ARID1B: variants seen among roughly 807,000 people sequenced by gnomAD.
ARID1B encodes AT-rich interactive domain-containing protein 1B.
In ARID1B, 30 loss-of-function variants were observed where a neutral mutation model predicts 212.3. That is an observed-to-expected ratio of 0.14 (90% CI 0.11 to 0.19). The LOEUF is 0.19. Among genes scored for constraint, ARID1B ranks in the 10% least tolerant of loss-of-function variants. ARID1B has a pLI of 1.00. For synonymous variants in ARID1B, 1,402 were observed against 1,301.7 expected (o/e 1.08, Z -1.66); for missense variants, 2,891 against 3,204.0 (o/e 0.90, Z 2.36).
intron 1 of ARID1B, among the ~76,000 whole-genome samples, chr6:156,804,327 C>T (rs1780998759): frequency 6.7e-6 from 1 of 149,908 alleles, no homozygotes. Context: ...CAGAGCAAGA[C>T]TCCGTCTCAA....
Position 157,167,103 on chromosome 6 carries a change from G to A in ARID1B, c.3153G>A (p.Gln1051=). The change falls in exon 9 of 20, where the codon CAG becomes CAA. Residue 1051 remains glutamine, a synonymous_variant. Coordinates refer to ENST00000636930, the MANE Select transcript of ARID1B (RefSeq NM_001374828.1). ...GLMASSSPYS[Q]PMNNSSSLMN... is the part of the protein sequence containing the mutation. ...TGGCTTCCAGCTCTCCCTACAGCCA[G>A]CCCATGAACAACAGCTCTAGCCTGA... 6.2e-7 allele frequency: 1 copy of A among 1,612,588 alleles called. No homozygotes were observed. The highest frequency in any genetic ancestry group is 8.5e-7 in the Non-Finnish European group (1 of 1,180,022).
At chr6:157,143,381 G>A (rs1789505951) in intron 7 of ARID1B, among the ~76,000 whole-genome samples, 1 of 151,278 alleles carries the variant, frequency 6.6e-6, no homozygotes, top group Admixed American at 6.6e-5. Flanking sequence ...TATTTTGCTT[G>A]GCTTACATAT....
At chr6:156,923,355 G>A (rs1284005754) in intron 3 of ARID1B, among the ~76,000 whole-genome samples, 4 of 152,088 alleles carry the variant, frequency 2.6e-5, no homozygotes, top group African/African-American at 7.2e-5. Flanking sequence ...CCCATCCTCC[G>A]GTTGGGAATT....
At chr6:157,086,642 C>T (rs1027180411) in intron 5 of ARID1B, among the ~76,000 whole-genome samples, 1 of 152,208 alleles carries the variant, frequency 6.6e-6, no homozygotes, top group African/African-American at 2.4e-5. Context: ...ACATGTCTGT[C>T]CTTCCAAATG....
At chr6:156,851,089 C>G (rs1438407351) in intron 2 of ARID1B, among the ~76,000 whole-genome samples, 1 of 152,174 alleles carries the variant, frequency 6.6e-6, no homozygotes, top group African/African-American at 2.4e-5. Context: ...TGAGCCAGGT[C>G]TGGCTCTTTG....
chr6:156,891,673 G>A (rs1345910502), intron 2 of ARID1B, among the ~76,000 whole-genome samples: 3 of 152,082 alleles, frequency 2.0e-5, no homozygotes, highest in Non-Finnish European at 4.4e-5. Flanking sequence ...AGTGTAAAAT[G>A]AGGATTGTTA....
intron 4 of ARID1B, among the ~76,000 whole-genome samples, chr6:157,018,975 GA>G (rs1008741838): frequency 6.6e-6 from 1 of 151,758 alleles, no homozygotes; most frequent in Non-Finnish European, 1.5e-5. Flanking sequence ...ATAAAGGGCT[GA>G]AAAAAAATAC....
rs929241539 is a variant in ARID1B, at chr6:157,210,351, G to A, written c.*2460G>A. 3 of 229,868 alleles carry A rather than the reference G, an allele frequency of 1.3e-5. No homozygotes were observed. The highest frequency in any genetic ancestry group is 1.8e-4 in the South Asian group (1 of 5,496). 14.2% of individuals were successfully genotyped at this position (229,868 alleles called of 1,614,324 possible). On this transcript the variant is annotated 3_prime_UTR_variant, in exon 20 of 20. Coordinates refer to ENST00000636930, the MANE Select transcript of ARID1B (RefSeq NM_001374828.1). ...CAAATAAAAGGTGTATACAAACTCC[G>A]AACATATCCAGTATTCCAATTCCTT...
intron 13 of ARID1B, chr6:157,185,880 C>T (rs1422290889): frequency 1.3e-5 from 2 of 152,232 alleles, no homozygotes; most frequent in Non-Finnish European, 2.9e-5. Context: ...TAGAAATCCT[C>T]GCTAACCTCA....
intron 3 of ARID1B, among the ~76,000 whole-genome samples, chr6:156,922,765 C>T (rs917057598): frequency 9.9e-5 from 15 of 152,252 alleles, no homozygotes; most frequent in Middle Eastern, 3.4e-3. Flanking sequence ...GATTCTCCTC[C>T]CAGACAAATA....
At chr6:157,067,327 A>G (rs1783729497) in intron 4 of ARID1B, among the ~76,000 whole-genome samples, 1 of 152,208 alleles carries the variant, frequency 6.6e-6, no homozygotes, top group African/African-American at 2.4e-5. Flanking sequence ...AGTACAGGCC[A>G]TCTACTGGTG....
At position 156,778,250 on chromosome 6, in the gene ARID1B, G is replaced by A. The variant is rs1396988208; in HGVS notation, c.570G>A (p.Gln190=). The change falls in exon 1 of 20, where the codon CAG becomes CAA. Residue 190 remains glutamine (Q), a synonymous_variant. Transcript: ENST00000636930. Reference sequence around the variant, plus strand: ...ACCTCCACCACCACCACGCACTACAGCAGCAGCTAAACCAGTTCCAGCAGC... The same window carrying A: ...ACCTCCACCACCACCACGCACTACAACAGCAGCTAAACCAGTTCCAGCAGC... The part of the protein sequence containing the change: ...AHHLHHHHAL[Q]QQLNQFQQQQ... 3.2e-6 allele frequency: 5 copies of A among 1,542,152 alleles called. No homozygotes were observed. The highest frequency in any genetic ancestry group is 2.0e-5 in the Admixed American group (1 of 50,972).
intron 4 of ARID1B, among the ~76,000 whole-genome samples, chr6:157,057,765 G>A (rs1783061243): frequency 6.6e-6 from 1 of 152,094 alleles, no homozygotes; most frequent in Non-Finnish European, 1.5e-5. Context: ...TTTTGAAAAT[G>A]TGTCAAAATT....
rs1373786950 is a variant in ARID1B, at chr6:156,778,509, G to A, written c.829G>A (p.Glu277Lys). ...GGACGACGCGCCGCCCAAGATGGGG[G>A]AGCCGGCGGGCGGCCGCTACGAGCA... ...DEDDAPPKMG[E>K]PAGGRYEHPG... Residue 277 changes from glutamate (E) to lysine (K), a missense_variant, in exon 1 of 20, where the codon GAG becomes AAG. Glu to Lys is a moderately conservative substitution (Grantham distance 56). This residue lies in a region of ARID1B where 1,643 missense variants were observed against 1,544.0 expected (regional missense o/e 1.06). Coordinates refer to ENST00000636930, the MANE Select transcript of ARID1B (RefSeq NM_001374828.1). 2 of 1,241,338 alleles carry A rather than the reference G, an allele frequency of 1.6e-6. No homozygotes were observed. The highest frequency in any genetic ancestry group is 2.0e-6 in the Non-Finnish European group (2 of 996,282). 76.9% of individuals were successfully genotyped at this position (1,241,338 alleles called of 1,614,324 possible).
chr6:156,972,516 T>C (rs1776998180), intron 4 of ARID1B, among the ~76,000 whole-genome samples: 1 of 152,236 alleles, frequency 6.6e-6, no homozygotes, highest in South Asian at 2.1e-4. Context: ...AGGATTTTTC[T>C]TTAGTTACCA....
In ARID1B at chr6:157,050,610, G is replaced by A. The variant is rs570635251; in HGVS notation, c.2248-34052G>A. The stretch of plus-strand genomic sequence containing the variant: ...AAGAAGAAATCCTGAGTTTTATGAT[G>A]CAGAAGGTATTTCTTTATCATGTAG... On this transcript the variant is annotated intron_variant, in intron 4 of 19. Transcript: ENST00000636930. 2.0e-5 allele frequency among the ~76,000 whole-genome samples: 3 copies of A among 152,294 alleles called. No individual in the cohort carries two copies. The South Asian group carries it at 6.2e-4, about 32-fold the overall frequency.
chr6:157,032,318 G>A (rs888441284), intron 4 of ARID1B, among the ~76,000 whole-genome samples: 1 of 152,060 alleles, frequency 6.6e-6, no homozygotes, highest in Non-Finnish European at 1.5e-5. Context: ...TCTATCATGT[G>A]AATATACCAT....
At chr6:156,985,254 A>T (rs550066790) in intron 4 of ARID1B, 1 of 152,218 alleles carries the variant, frequency 6.6e-6, no homozygotes, top group African/African-American at 2.4e-5. Flanking sequence ...CTTGAAATTG[A>T]TAATACTTTT....
chr6:157,033,997 T>C (rs1333207930), intron 4 of ARID1B, among the ~76,000 whole-genome samples: 1 of 152,192 alleles, frequency 6.6e-6, no homozygotes, highest in East Asian at 1.9e-4. Context: ...TTTGTTACAG[T>C]GTCTGTGTGG....
Sources: gnomAD v4.1 joint callset for allele counts (sites outside exome capture counted in the v4.1 genomes callset) on GRCh38, gnomAD v4.1.1 for gene constraint, gnomAD v4.1.1 regional missense constraint, MANE v1.5 for transcripts, NCBI Gene and HGNC (gene_info 2026-07-23, HGNC 2026-07-21) for gene names.